The following USP42 variants were observed in gnomAD, a reference collection of about 807,000 sequenced individuals.
USP42 encodes ubiquitin carboxyl-terminal hydrolase 42.
In USP42, 23 loss-of-function variants were observed where a neutral mutation model predicts 113.0. That is an observed-to-expected ratio of 0.20 (90% CI 0.15 to 0.29). The LOEUF is 0.29. Among genes scored for constraint, USP42 ranks in the 10% least tolerant of loss-of-function variants. The pLI is 1.00. For synonymous variants in USP42, 933 were observed against 699.0 expected, an observed-to-expected ratio of 1.33 and a Z score of -5.28; for missense variants, 2,174 against 1,779.8, an observed-to-expected ratio of 1.22 and a Z score of -3.99.
At chr7:6,134,719 C>T (rs1781034616) in intron 3 of USP42, among the ~76,000 whole-genome samples, 1 of 152,184 alleles carries the variant, frequency 6.6e-6, no homozygotes, top group South Asian at 2.1e-4. Context: ...AAAGATATGC[C>T]ATAGAGACCA....
the USP42 span, among the ~76,000 whole-genome samples, chr7:6,094,388 C>G: frequency 6.7e-6 from 1 of 149,992 alleles, no homozygotes; most frequent in African/African-American, 2.5e-5. Flanking sequence ...CCAGGCTGGT[C>G]TTGAACTCTT....
At chr7:6,130,627 G>A (rs963717697) in intron 3 of USP42, among the ~76,000 whole-genome samples, 2 of 152,178 alleles carry the variant, frequency 1.3e-5, no homozygotes, top group African/African-American at 4.8e-5. Context: ...AGGGTGCCTT[G>A]CTACAGCCTG....
rs777570284 is a variant in USP42, at chr7:6,154,061, A to G, written c.2507A>G (p.Lys836Arg). ...GDASPLSQDAKGMIAEGPRDS... is the reference protein window; with the variant it reads ...GDASPLSQDARGMIAEGPRDS... ...GCGAGCCCGTTGTCCCAGGACGCAAAGGGGATGATCGCGGAGGGCCCGCGG... is the reference window on the plus strand; with the variant it reads ...GCGAGCCCGTTGTCCCAGGACGCAAGGGGGATGATCGCGGAGGGCCCGCGG... Residue 836 changes from lysine (K) to arginine (R), a missense_variant, in exon 15 of 18, where the codon AAG becomes AGG. Coordinates refer to ENST00000306177, the MANE Select transcript of USP42 (RefSeq NM_032172.3). The G allele has an allele frequency of 6.2e-7, 1 of 1,606,204 alleles. No homozygotes were observed. Among genetic ancestry groups the G allele is most frequent in the Non-Finnish European group, 8.5e-7 (1 of 1,179,308 alleles).
At chr7:6,146,703 A>G (rs1583663607) in intron 11 of USP42, among the ~76,000 whole-genome samples, 1 of 152,058 alleles carries the variant, frequency 6.6e-6, no homozygotes, top group Non-Finnish European at 1.5e-5. Flanking sequence ...ATGTGCCTGG[A>G]GAGTAAGAAA....
In USP42 at chr7:6,147,806, C is replaced by T. The variant is rs760570403; in HGVS notation, c.1300C>T (p.Arg434Cys). 15 of 1,613,492 alleles carry T rather than the reference C, an allele frequency of 9.3e-6. No individual in the cohort carries two copies. Among genetic ancestry groups the T allele is most frequent in the South Asian group, 4.4e-5 (4 of 90,992 alleles). ...CCATAGCCCCGGCCAGTCCTCTCCC[C>T]GCCCCGTCATCAGTCAGCGGGTTGT... ...PTHSPGQSSP[R>C]PVISQRVVTN... Residue 434 changes from arginine (R) to cysteine (C), a missense_variant, in exon 12 of 18, where the codon CGC (arginine) becomes TGC (cysteine). By Grantham distance (180) the Arg-to-Cys change is radical. Coordinates refer to ENST00000306177, the MANE Select transcript of USP42 (RefSeq NM_032172.3).
At chr7:6,136,714 C>G (rs904485611) in intron 4 of USP42, among the ~76,000 whole-genome samples, 5 of 152,102 alleles carry the variant, frequency 3.3e-5, no homozygotes, top group Non-Finnish European at 5.9e-5. Flanking sequence ...TTAGGCTACT[C>G]TGGACACACT....
chr7:6,090,223 C>A, the USP42 span, among the ~76,000 whole-genome samples: 7 of 146,292 alleles, frequency 4.8e-5, no homozygotes, highest in Admixed American at 4.8e-4. Context: ...TTGCTTGAAC[C>A]CAGGAGGCTG....
upstream of USP42, among the ~76,000 whole-genome samples, chr7:6,104,597 C>T (rs922205925): frequency 6.6e-6 from 1 of 152,200 alleles, no homozygotes; most frequent in African/African-American, 2.4e-5. Flanking sequence ...AGCCCAAAGT[C>T]CTACGCCCGC....
chr7:6,094,848 C>T, the USP42 span, among the ~76,000 whole-genome samples: 17 of 148,928 alleles, frequency 1.1e-4, no homozygotes, highest in Non-Finnish European at 2.4e-4. Context: ...AGTACAGTGA[C>T]GCAATCTCGG....
Position 6,154,242 on chromosome 7 carries a change from A to T in USP42, c.2688A>T (p.Ala896=). 1 of 1,604,796 alleles carries T rather than the reference A, an allele frequency of 6.2e-7. No homozygotes were observed. The highest frequency in any genetic ancestry group is 1.7e-4 in the Middle Eastern group (1 of 5,960). Residue 896 remains alanine, a synonymous_variant, in exon 15 of 18, where the codon GCA becomes GCT. Transcript: ENST00000306177. ...PSQSLGAPEA[A]ERPPAPVLDM... Reference sequence around the variant, plus strand: ...AGAGCTTGGGCGCACCCGAGGCCGCAGAGCGGCCGCCAGCTCCTGTGCTGG... The same window carrying T: ...AGAGCTTGGGCGCACCCGAGGCCGCTGAGCGGCCGCCAGCTCCTGTGCTGG...
chr7:6,085,624 A>ATTTT, the USP42 span, among the ~76,000 whole-genome samples: 15 of 138,326 alleles, frequency 1.1e-4, 1 homozygote, highest in South Asian at 8.8e-4. Context: ...ATATATATAT[A>ATTTT]TTTTTTTTGA....
rs779387771 is a variant in USP42 at position 6,115,346 on chromosome 7, C to T, written c.265C>T (p.Pro89Ser). ...AGCCCTAGGTGATGGCATCGCTCCT[C>T]CACAGAAAGTTCTTTTCCCATCTGA... The part of the protein sequence containing the change: ...DQALGDGIAP[P>S]QKVLFPSEKI... The change falls in exon 3 of 18, where the codon CCA becomes TCA. Residue 89 changes from proline (P) to serine (S), a missense_variant. Transcript: ENST00000306177. The T allele has an allele frequency of 1.9e-6, 3 of 1,613,986 alleles. No homozygotes were observed. The highest frequency in any genetic ancestry group is 2.5e-6 in the Non-Finnish European group (3 of 1,179,894).
the USP42 span, among the ~76,000 whole-genome samples, chr7:6,095,933 A>C: frequency 6.7e-6 from 1 of 148,774 alleles, no homozygotes; most frequent in Non-Finnish European, 1.5e-5. Context: ...TTTTTTTTTT[A>C]ATTTATTTTT....
At chr7:6,100,531 T>C (rs989791679), upstream of USP42, among the ~76,000 whole-genome samples, 1 of 150,796 alleles carries the variant, frequency 6.6e-6, no homozygotes, top group African/African-American at 2.5e-5. Flanking sequence ...GGTTTCACCA[T>C]GTTGGCCAGG....
the USP42 span, among the ~76,000 whole-genome samples, chr7:6,094,206 C>T: frequency 6.7e-6 from 1 of 149,854 alleles, no homozygotes; most frequent in Non-Finnish European, 1.5e-5. Context: ...CAGGGTCTTG[C>T]TTTGTCACCC....
upstream of USP42, among the ~76,000 whole-genome samples, chr7:6,103,600 G>C (rs1489925719): frequency 6.6e-6 from 1 of 150,414 alleles, no homozygotes; most frequent in Non-Finnish European, 1.5e-5. Context: ...GGGGTCAGGC[G>C]GACTTGAAGG....
chr7:6,149,093 G>A (rs146459333), intron 12 of USP42, among the ~76,000 whole-genome samples: 5 of 152,348 alleles, frequency 3.3e-5, no homozygotes, highest in African/African-American at 7.2e-5. Flanking sequence ...GTCTCACTGC[G>A]TGAGGAGAAT....
chr7:6,103,759 A>C (rs1357675122), upstream of USP42, among the ~76,000 whole-genome samples: 44 of 149,628 alleles, frequency 2.9e-4, 3 homozygotes, highest in African/African-American at 1.0e-3. Context: ...AAAAAAACAA[A>C]ACTTAAAAAA....
chr7:6,132,765 G>C (rs768651723), intron 3 of USP42, among the ~76,000 whole-genome samples: 1 of 151,260 alleles, frequency 6.6e-6, no homozygotes, highest in African/African-American at 2.4e-5. Flanking sequence ...TCCGCCTCCC[G>C]GGTTCACGCC....
Sources: gnomAD v4.1 joint callset for allele counts (sites outside exome capture counted in the v4.1 genomes callset) on GRCh38, gnomAD v4.1.1 for gene constraint, MANE v1.5 for transcripts, NCBI Gene and HGNC (gene_info 2026-07-23, HGNC 2026-07-21) for gene names.